Variants in GRID2 observed in about 807,000 individuals in gnomAD.
The protein encoded by GRID2 is glutamate receptor ionotropic, delta-2.
GRID2 carries 33 observed loss-of-function variants against 114.8 expected under a neutral mutation model. The ratio of observed to expected loss-of-function variants is 0.29; its 90% CI spans 0.22 to 0.38. The LOEUF (loss-of-function observed/expected upper bound fraction) is 0.38, where lower values mean the gene tolerates loss of function less well. Ranked by LOEUF, GRID2 falls within the 10% of genes least tolerant of loss-of-function variation. The pLI, the probability that GRID2 is intolerant of heterozygous loss-of-function variation, is 1.00. For missense variants in GRID2, 1,184 were observed against 1,257.7 expected, an observed-to-expected ratio of 0.94 and a Z score of 0.89; for synonymous variants, 505 against 449.9, an observed-to-expected ratio of 1.12 and a Z score of -1.55.
chr4:92,859,527 T>C (rs1422398209), intron 2 of GRID2, among the ~76,000 whole-genome samples: 2 of 152,170 alleles, frequency 1.3e-5, no homozygotes, highest in African/African-American at 4.8e-5. Context: ...TTTCCCCTTC[T>C]TCCTTGTTAT....
intron 2 of GRID2, among the ~76,000 whole-genome samples, chr4:92,669,707 A>C (rs567652281): frequency 2.0e-5 from 3 of 152,196 alleles, no homozygotes; most frequent in African/African-American, 4.8e-5. Context: ...GAATAAAGGC[A>C]GCTATCAACT....
intron 11 of GRID2, among the ~76,000 whole-genome samples, chr4:93,465,835 C>G (rs1724213555): frequency 6.6e-6 from 1 of 152,130 alleles, no homozygotes; most frequent in South Asian, 2.1e-4. Flanking sequence ...CTAATAAACT[C>G]ACAATAACTT....
At chr4:93,682,937 T>TAA (rs199751939) in intron 14 of GRID2, among the ~76,000 whole-genome samples, 15 of 116,846 alleles carry the variant, frequency 1.3e-4, no homozygotes, top group South Asian at 2.6e-4. Context: ...ATAATAATAA[T>TAA]AAAAAAAAAA....
intron 1 of GRID2, among the ~76,000 whole-genome samples, chr4:92,406,098 G>A (rs1731016855): frequency 6.6e-6 from 1 of 152,008 alleles, no homozygotes. Context: ...ATTTGTTGGT[G>A]GCTGTTTAGA....
At chr4:93,122,664 A>G (rs1388327475) in intron 4 of GRID2, among the ~76,000 whole-genome samples, 2 of 152,088 alleles carry the variant, frequency 1.3e-5, no homozygotes, top group Non-Finnish European at 2.9e-5. Context: ...AAACTGCTCC[A>G]TATAAATATA....
chr4:93,635,921 A>T (rs1254378692), intron 14 of GRID2, among the ~76,000 whole-genome samples: 1 of 152,188 alleles, frequency 6.6e-6, no homozygotes, highest in Non-Finnish European at 1.5e-5. Context: ...TTAAACAATT[A>T]TAAACCTTTA....
intron 10 of GRID2, among the ~76,000 whole-genome samples, chr4:93,455,423 A>G (rs1723085424): frequency 2.0e-5 from 3 of 152,140 alleles, no homozygotes; most frequent in Admixed American, 2.0e-4. Context: ...CTGATTTTAC[A>G]TATGCTGATA....
chr4:93,600,755 T>G (rs749397145), intron 13 of GRID2, among the ~76,000 whole-genome samples: 5 of 152,102 alleles, frequency 3.3e-5, no homozygotes, highest in Non-Finnish European at 7.4e-5. Flanking sequence ...CATAAAAGAC[T>G]CATATTGGAA....
At chr4:92,471,269 C>T (rs1722020194) in intron 1 of GRID2, among the ~76,000 whole-genome samples, 1 of 151,888 alleles carries the variant, frequency 6.6e-6, no homozygotes, top group Non-Finnish European at 1.5e-5. Context: ...ATTGGGCATC[C>T]TTCAATCCTT....
At chr4:93,038,383 A>G (rs778627438) in intron 2 of GRID2, among the ~76,000 whole-genome samples, 13 of 152,202 alleles carry the variant, frequency 8.5e-5, no homozygotes, top group Non-Finnish European at 1.8e-4. Context: ...GAAGACATTT[A>G]TGTAGCCAAC....
Position 92,744,728 on chromosome 4 carries a change from G to A in GRID2, c.244+154442G>A, listed in dbSNP as rs151277393. On this transcript the variant is annotated intron_variant, in intron 2 of 15. Coordinates refer to ENST00000282020, the MANE Select transcript of GRID2 (RefSeq NM_001510.4). ...CTATTACCTGAGGCTCAAGGCAAATGCTCCAGTTCCATGAAACCTTTTCTG... is the reference window on the plus strand; with the variant it reads ...CTATTACCTGAGGCTCAAGGCAAATACTCCAGTTCCATGAAACCTTTTCTG... Among the ~76,000 whole-genome samples the A allele has an allele frequency of 3.9e-3, 594 of 152,050 alleles. 2 individuals carry two copies. The highest frequency in any genetic ancestry group is 0.01 in the Middle Eastern group (3 of 294).
chr4:92,547,739 T>C (rs920843717), intron 1 of GRID2, among the ~76,000 whole-genome samples: 2 of 152,162 alleles, frequency 1.3e-5, no homozygotes, highest in African/African-American at 4.8e-5. Context: ...AGCTTCTTTT[T>C]GTTCTCACAC....
At chr4:93,415,657 A>G (rs1767628858) in intron 9 of GRID2, among the ~76,000 whole-genome samples, 1 of 151,826 alleles carries the variant, frequency 6.6e-6, no homozygotes, top group African/African-American at 2.4e-5. Context: ...TCTTTTGTAC[A>G]AAAAAAATTG....
At chr4:93,083,108 A>G (rs970955448) in intron 2 of GRID2, among the ~76,000 whole-genome samples, 14 of 152,160 alleles carry the variant, frequency 9.2e-5, no homozygotes, top group Non-Finnish European at 2.1e-4. Context: ...AGTGTAATCT[A>G]AAGATTGACT....
intron 2 of GRID2, among the ~76,000 whole-genome samples, chr4:92,689,447 C>T (rs1209381423): frequency 6.6e-6 from 1 of 152,164 alleles, no homozygotes; most frequent in Non-Finnish European, 1.5e-5. Flanking sequence ...ACCACGGGGC[C>T]AGTTAGGAAC....
intron 1 of GRID2, among the ~76,000 whole-genome samples, chr4:92,307,919 A>C (rs371584136): frequency 6.6e-6 from 1 of 152,200 alleles, no homozygotes; most frequent in Non-Finnish European, 1.5e-5. Context: ...GAGTAATTTC[A>C]TCAGACCCAC....
At chr4:93,784,673 C>CAA (rs1734556436) in intron 1 of GRID2, among the ~76,000 whole-genome samples, 2 of 151,690 alleles carry the variant, frequency 1.3e-5, no homozygotes, top group South Asian at 4.2e-4. Context: ...CACACACACA[C>CAA]ACCACGGTAT....
At chr4:93,079,487 C>T (rs75911592) in intron 2 of GRID2, among the ~76,000 whole-genome samples, 7,079 of 151,528 alleles carry the variant, frequency 0.047, 239 homozygotes, top group East Asian at 0.15. Flanking sequence ...TTCATATGGG[C>T]CTTTCTGTTT....
At chr4:92,842,684 A>G (rs1033586260) in intron 2 of GRID2, among the ~76,000 whole-genome samples, 3 of 152,122 alleles carry the variant, frequency 2.0e-5, no homozygotes, top group African/African-American at 4.8e-5. Flanking sequence ...TGTGATCTAC[A>G]TGGAAAGGCA....
Sources: allele counts gnomAD v4.1 joint callset (sites outside exome capture counted in the v4.1 genomes callset), GRCh38; gene constraint gnomAD v4.1.1; transcripts MANE v1.5; gene names NCBI Gene and HGNC (gene_info 2026-07-23, HGNC 2026-07-21).